PPP3CA: variants seen among roughly 807,000 people sequenced by gnomAD.
The protein encoded by PPP3CA is protein phosphatase 3 catalytic subunit alpha, also known as CAM-PRP catalytic subunit.
In PPP3CA, 14 loss-of-function variants were observed where a neutral mutation model predicts 66.5. That is an observed-to-expected ratio of 0.21 (90% CI 0.14 to 0.33). The LOEUF is 0.33. PPP3CA is among the 10% of genes least tolerant of loss of function. The probability of loss-of-function intolerance (pLI) is 1.00; values close to 1 mark genes in which losing one functional copy is unlikely to be tolerated. For missense variants in PPP3CA, 317 were observed against 639.5 expected, an observed-to-expected ratio of 0.50 and a Z score of 5.44; for synonymous variants, 232 against 226.2, an observed-to-expected ratio of 1.03 and a Z score of -0.23.
chr4:101,305,696 C>T (rs1464354479), intron 1 of PPP3CA, among the ~76,000 whole-genome samples: 2 of 152,112 alleles, frequency 1.3e-5, no homozygotes, highest in African/African-American at 4.8e-5. Context: ...TCAAAACTTT[C>T]TATTCAACAG....
At chr4:101,199,603 A>C (rs1387946907) in intron 1 of PPP3CA, among the ~76,000 whole-genome samples, 1 of 152,174 alleles carries the variant, frequency 6.6e-6, no homozygotes, top group African/African-American at 2.4e-5. Flanking sequence ...CAAATTAATA[A>C]AACAGCAAAG....
chr4:101,106,455 G>A (rs200137695), intron 3 of PPP3CA, among the ~76,000 whole-genome samples: 2,310 of 10,996 alleles, frequency 0.21, 482 homozygotes, highest in Middle Eastern at 0.42. Flanking sequence ...GAAAGAAAGA[G>A]AAAAGAAAAG....
At chr4:101,214,588 G>A (rs1394186750) in intron 1 of PPP3CA, among the ~76,000 whole-genome samples, 1 of 152,058 alleles carries the variant, frequency 6.6e-6, no homozygotes, top group African/African-American at 2.4e-5. Flanking sequence ...CAGGGAGCAA[G>A]TTCAATTTCT....
intron 6 of PPP3CA, among the ~76,000 whole-genome samples, chr4:101,088,846 T>C (rs575501770): frequency 3.9e-5 from 6 of 152,188 alleles, no homozygotes; most frequent in Non-Finnish European, 8.8e-5. Flanking sequence ...CAGCATGGTT[T>C]AGATGCTTGT....
intron 6 of PPP3CA, among the ~76,000 whole-genome samples, chr4:101,087,278 T>A (rs945376200): frequency 6.6e-5 from 10 of 152,210 alleles, no homozygotes; most frequent in South Asian, 4.1e-4. Flanking sequence ...CTGACAGAAC[T>A]TTTCCAGAAT....
At chr4:101,278,530 G>C (rs1414503084) in intron 1 of PPP3CA, among the ~76,000 whole-genome samples, 1 of 152,082 alleles carries the variant, frequency 6.6e-6, no homozygotes, top group Non-Finnish European at 1.5e-5. Context: ...TGAGACTCTT[G>C]CTCTGCTATA....
At chr4:101,107,597 T>C (rs1329591355) in intron 3 of PPP3CA, among the ~76,000 whole-genome samples, 1 of 152,246 alleles carries the variant, frequency 6.6e-6, no homozygotes, top group African/African-American at 2.4e-5. Flanking sequence ...GACGGTATTA[T>C]TATGTTGGCG....
intron 6 of PPP3CA, among the ~76,000 whole-genome samples, chr4:101,091,669 C>T (rs1354810475): frequency 6.6e-6 from 1 of 151,746 alleles, no homozygotes; most frequent in South Asian, 2.1e-4. Flanking sequence ...ATCAGATCAA[C>T]GTCCTATAGA....
At chr4:101,285,932 G>A (rs1727833854) in intron 1 of PPP3CA, among the ~76,000 whole-genome samples, 1 of 152,118 alleles carries the variant, frequency 6.6e-6, no homozygotes, top group African/African-American at 2.4e-5. Context: ...CACCTAAATT[G>A]CAATGCAAAA....
intron 1 of PPP3CA, among the ~76,000 whole-genome samples, chr4:101,245,931 C>G (rs900763649): frequency 6.6e-6 from 1 of 152,018 alleles, no homozygotes; most frequent in Non-Finnish European, 1.5e-5. Flanking sequence ...TTCCCTTCTC[C>G]TTCCTATTAA....
intron 2 of PPP3CA, among the ~76,000 whole-genome samples, chr4:101,138,900 T>C (rs952517620): frequency 6.6e-6 from 1 of 152,208 alleles, no homozygotes; most frequent in Non-Finnish European, 1.5e-5. Flanking sequence ...ATGACAAATA[T>C]ATGAAATTGA....
chr4:101,272,389 C>T (rs567862960), intron 1 of PPP3CA, among the ~76,000 whole-genome samples: 23 of 152,218 alleles, frequency 1.5e-4, no homozygotes, highest in African/African-American at 5.5e-4. Context: ...ACCCCCAAAG[C>T]CTGGATAAAT....
chr4:101,288,388 T>G (rs569154736), intron 1 of PPP3CA, among the ~76,000 whole-genome samples: 1 of 152,218 alleles, frequency 6.6e-6, no homozygotes, highest in South Asian at 2.1e-4. Context: ...CCCCAAAAAT[T>G]GCAAGGCTGT....
chr4:101,244,109 T>C (rs894314898), intron 1 of PPP3CA, among the ~76,000 whole-genome samples: 1 of 152,164 alleles, frequency 6.6e-6, no homozygotes, highest in Non-Finnish European at 1.5e-5. Flanking sequence ...ATTTGAACCA[T>C]GAAAGGAATA....
chr4:101,229,892 A>C (rs527298692), intron 1 of PPP3CA, among the ~76,000 whole-genome samples: 3 of 151,758 alleles, frequency 2.0e-5, no homozygotes, highest in African/African-American at 7.2e-5. Flanking sequence ...TAACGAAAAA[A>C]ATTGGGAAAG....
chr4:101,244,021 T>C (rs986851408), intron 1 of PPP3CA, among the ~76,000 whole-genome samples: 2 of 152,190 alleles, frequency 1.3e-5, no homozygotes, highest in Non-Finnish European at 2.9e-5. Context: ...TTCTACCTCA[T>C]GGCAACTGGG....
At chr4:101,270,161 G>C (rs937603404) in intron 1 of PPP3CA, among the ~76,000 whole-genome samples, 1 of 152,172 alleles carries the variant, frequency 6.6e-6, no homozygotes, top group African/African-American at 2.4e-5. Flanking sequence ...TGAGTTTGTA[G>C]TATTTTTACT....
In PPP3CA at chr4:101,347,230, G is replaced by A; in HGVS notation, c.-434C>T. ...CCAGGATTAAGACCGATCACATGGG[G>A]AAGGCCGGGGGCGAGGGAGGAGAGG... On this transcript the variant is annotated 5_prime_UTR_variant, in exon 1 of 14. Transcript: ENST00000394854. 4.7e-6 allele frequency: 1 copy of A among 214,546 alleles called. No homozygotes were observed. The highest frequency in any genetic ancestry group is 9.2e-6 in the Non-Finnish European group (1 of 108,868). The allele number at this position is 214,546 out of a possible 1,614,324, so 13.3% of individuals were successfully genotyped here.
chr4:101,041,515 A>C (rs1364771124), intron 10 of PPP3CA, among the ~76,000 whole-genome samples: 1 of 147,030 alleles, frequency 6.8e-6, no homozygotes, highest in African/African-American at 2.5e-5. Context: ...GCTCACTGCA[A>C]CCTCTGCCTC....
Sources: allele counts gnomAD v4.1 joint callset (sites outside exome capture counted in the v4.1 genomes callset), GRCh38; gene constraint gnomAD v4.1.1; transcripts MANE v1.5; gene names NCBI Gene and HGNC (gene_info 2026-07-23, HGNC 2026-07-21).